The following WAC variants were observed in gnomAD, a reference collection of about 807,000 sequenced individuals.
WAC encodes WW domain containing adaptor with coiled-coil.
In WAC, 11 loss-of-function variants were observed where a neutral mutation model predicts 79.6. The ratio of observed to expected loss-of-function variants is 0.14; its 90% CI spans 0.09 to 0.23. The LOEUF is 0.23. WAC is among the 10% of genes least tolerant of loss of function. The probability of loss-of-function intolerance (pLI) is 1.00; values close to 1 mark genes in which losing one functional copy is unlikely to be tolerated. For missense variants in WAC, 728 were observed against 773.5 expected, an observed-to-expected ratio of 0.94 and a Z score of 0.70; for synonymous variants, 304 against 276.9, an observed-to-expected ratio of 1.10 and a Z score of -0.97.
intron 3 of WAC, among the ~76,000 whole-genome samples, chr10:28,568,109 T>C (rs375446480): frequency 2.0e-4 from 31 of 152,366 alleles, no homozygotes; most frequent in African/African-American, 7.2e-4. Context: ...CTTGCCTTGT[T>C]AGATTTGATT....
intron 3 of WAC, among the ~76,000 whole-genome samples, chr10:28,550,939 T>G (rs1011950574): frequency 6.6e-6 from 1 of 152,244 alleles, no homozygotes; most frequent in East Asian, 1.9e-4. Flanking sequence ...TGTATGTGAT[T>G]TGAATACTGA....
At chr10:28,554,980 C>T (rs1213811141) in intron 3 of WAC, among the ~76,000 whole-genome samples, 1 of 152,178 alleles carries the variant, frequency 6.6e-6, no homozygotes, top group African/African-American at 2.4e-5. Flanking sequence ...TATCCGTTAT[C>T]ACATATAATA....
At chr10:28,569,589 A>G (rs1275530662) in intron 3 of WAC, among the ~76,000 whole-genome samples, 1 of 152,132 alleles carries the variant, frequency 6.6e-6, no homozygotes, top group Non-Finnish European at 1.5e-5. Context: ...GCATATATAC[A>G]CTGAGAATTA....
At chr10:28,536,842 C>T (rs1429727885) in intron 3 of WAC, among the ~76,000 whole-genome samples, 2 of 152,186 alleles carry the variant, frequency 1.3e-5, no homozygotes, top group Non-Finnish European at 2.9e-5. Context: ...CTACATGTTG[C>T]TTAAGTAGAT....
At chr10:28,551,880 A>G (rs1456484486) in intron 3 of WAC, among the ~76,000 whole-genome samples, 5 of 141,048 alleles carry the variant, frequency 3.5e-5, no homozygotes, top group Non-Finnish European at 7.5e-5. Flanking sequence ...GCTGGAGTGC[A>G]GTGGCACGAT....
At chr10:28,553,841 A>G (rs1235840895) in intron 3 of WAC, among the ~76,000 whole-genome samples, 1 of 152,188 alleles carries the variant, frequency 6.6e-6, no homozygotes, top group Non-Finnish European at 1.5e-5. Flanking sequence ...AAATGTTTAC[A>G]TTGTAATAGG....
chr10:28,537,378 G>A (rs1269406132), intron 3 of WAC, among the ~76,000 whole-genome samples: 1 of 152,208 alleles, frequency 6.6e-6, no homozygotes, highest in Admixed American at 6.5e-5. Context: ...CTCTTGGAGA[G>A]CAGGTACTGG....
intron 3 of WAC, among the ~76,000 whole-genome samples, chr10:28,552,215 G>A (rs963792141): frequency 1.6e-4 from 24 of 152,060 alleles, no homozygotes; most frequent in Admixed American, 5.9e-4. Context: ...TTAGGTATAT[G>A]TGTGGTTTTT....
rs527913416 is a variant in WAC, at chr10:28,585,710, C to T, written c.381+2205C>T. ...AAAGTAACACTAACCTAAAGTTCCA[C>T]TTGTCATTGACAGTTTAGATTTGCT... is the stretch of plus-strand genomic sequence containing the variant. On this transcript the variant is annotated intron_variant, in intron 4 of 13. Transcript: ENST00000354911. Among the ~76,000 whole-genome samples, 4 of 152,200 alleles carry T rather than the reference C, an allele frequency of 2.6e-5. No homozygotes were observed. The South Asian group carries it at 8.3e-4, about 32-fold the overall frequency.
At chr10:28,561,198 T>A (rs1838283507) in intron 3 of WAC, among the ~76,000 whole-genome samples, 1 of 152,196 alleles carries the variant, frequency 6.6e-6, no homozygotes, top group Non-Finnish European at 1.5e-5. Flanking sequence ...TAGCTTATGT[T>A]CTATCTTTTA....
At chr10:28,611,398 C>A (rs756947048) in intron 9 of WAC, 8 of 1,302,858 alleles carry the variant, frequency 6.1e-6, no homozygotes, top group Admixed American at 4.6e-5. Flanking sequence ...AAGACTCTTG[C>A]AACCCTCTGG....
intron 7 of WAC, among the ~76,000 whole-genome samples, chr10:28,596,877 G>A (rs1840398050): frequency 6.6e-6 from 1 of 152,046 alleles, no homozygotes; most frequent in South Asian, 2.1e-4. Flanking sequence ...TGACAAAAGG[G>A]CTCAAATAGT....
intron 3 of WAC, among the ~76,000 whole-genome samples, chr10:28,577,873 A>G (rs1160630796): frequency 1.3e-5 from 2 of 152,208 alleles, no homozygotes; most frequent in African/African-American, 2.4e-5. Flanking sequence ...AAATTCAGGT[A>G]TTAAGCCAGG....
intron 3 of WAC, among the ~76,000 whole-genome samples, chr10:28,573,288 A>C (rs1243380928): frequency 6.6e-6 from 1 of 152,136 alleles, no homozygotes; most frequent in Non-Finnish European, 1.5e-5. Flanking sequence ...ATTAGCAGTC[A>C]CTTTCATTTT....
At chr10:28,617,826 T>C in intron 13 of WAC, 42 bp downstream of exon 13, 1 of 1,538,720 alleles carries the variant, frequency 6.5e-7, no homozygotes, top group East Asian at 2.3e-5. Flanking sequence ...TTCTCAGGAT[T>C]ATGATTCTTA....
At chr10:28,596,916 C>T (rs906820211) in intron 7 of WAC, among the ~76,000 whole-genome samples, 1 of 152,076 alleles carries the variant, frequency 6.6e-6, no homozygotes, top group South Asian at 2.1e-4. Flanking sequence ...GATTTCCTCT[C>T]TCCTTGAACT....
intron 4 of WAC, among the ~76,000 whole-genome samples, chr10:28,585,137 T>TG (rs1839749031): frequency 6.6e-6 from 1 of 152,004 alleles, no homozygotes; most frequent in African/African-American, 2.4e-5. Context: ...AAGCAGATAC[T>TG]GAAAAAAAAC....
At chr10:28,551,034 A>G (rs1837639490) in intron 3 of WAC, among the ~76,000 whole-genome samples, 1 of 152,106 alleles carries the variant, frequency 6.6e-6, no homozygotes, top group South Asian at 2.1e-4. Flanking sequence ...ACCCTCTTAA[A>G]TTCATATCTC....
chr10:28,611,061 TATTTA>T, intron 9 of WAC: 1 of 569,016 alleles, frequency 1.8e-6, no homozygotes, highest in Non-Finnish European at 2.9e-6. Flanking sequence ...AATCTGTAAT[TATTTA>T]AGACAGTATT....
Sources: gnomAD v4.1 joint callset for allele counts (sites outside exome capture counted in the v4.1 genomes callset) on GRCh38, gnomAD v4.1.1 for gene constraint, MANE v1.5 for transcripts, NCBI Gene and HGNC (gene_info 2026-07-23, HGNC 2026-07-21) for gene names.